Variants in FKBP1B observed in about 807,000 individuals in gnomAD.
FKBP1B encodes the protein peptidyl-prolyl cis-trans isomerase FKBP1B.
A neutral mutation model predicts 13.5 loss-of-function variants in FKBP1B; 4 were observed. That is an observed-to-expected ratio of 0.30 (90% confidence interval 0.15 to 0.68). The LOEUF is 0.68. Among genes scored for constraint, FKBP1B ranks in the 30% least tolerant of loss-of-function variants. The pLI is 0.76. For missense variants in FKBP1B, 93 were observed against 136.2 expected (o/e 0.68, Z 1.58); for synonymous variants, 54 against 53.6 (o/e 1.01, Z -0.03).
intron 2 of FKBP1B, among the ~76,000 whole-genome samples, chr2:24,056,544 A>T (rs1250042910): frequency 6.6e-6 from 1 of 152,082 alleles, no homozygotes; most frequent in Non-Finnish European, 1.5e-5. Flanking sequence ...GGATTTCACC[A>T]TGTTGGCCAG....
the FKBP1B span, among the ~76,000 whole-genome samples, chr2:24,042,510 T>C: frequency 7.9e-6 from 1 of 126,664 alleles, no homozygotes; most frequent in African/African-American, 3.2e-5. Context: ...CACTCCAGCC[T>C]GGGTGACAGA....
chr2:24,049,076 C>A (rs1663728974), upstream of FKBP1B, among the ~76,000 whole-genome samples: 1 of 152,172 alleles, frequency 6.6e-6, no homozygotes, highest in Non-Finnish European at 1.5e-5. Flanking sequence ...GGACGCCTAG[C>A]GAGGGTAGGA....
At chr2:24,048,181 TTC>T (rs1447732220), upstream of FKBP1B, among the ~76,000 whole-genome samples, 4 of 152,136 alleles carry the variant, frequency 2.6e-5, no homozygotes, top group Admixed American at 1.3e-4. Flanking sequence ...TTCTTTTCTT[TTC>T]TTTTTTTAAA....
intron 2 of FKBP1B, among the ~76,000 whole-genome samples, chr2:24,056,017 A>C (rs896697033): frequency 6.6e-6 from 1 of 152,028 alleles, no homozygotes; most frequent in African/African-American, 2.4e-5. Flanking sequence ...TTTTTGAGAC[A>C]GAGTCTATGT....
At chr2:24,038,411 T>C in the FKBP1B span, 2 of 1,614,180 alleles carry the variant, frequency 1.2e-6, no homozygotes, top group Non-Finnish European at 1.7e-6. Flanking sequence ...AAAATTATAT[T>C]ACAAGTGTTG....
the FKBP1B span, chr2:24,038,382 T>C: frequency 3.7e-6 from 6 of 1,614,218 alleles, no homozygotes; most frequent in Admixed American, 1.7e-5. Context: ...GGACTGAAGA[T>C]GGAATGACAG....
At chr2:24,041,716 GGTGGCAGGTGCCTGTAATCCCAGCTACT>G in the FKBP1B span, among the ~76,000 whole-genome samples, 1 of 151,852 alleles carries the variant, frequency 6.6e-6, no homozygotes, top group Non-Finnish European at 1.5e-5. Context: ...AGCTGGGCTC[GGTGGCAGGTGCCTGTAATCCCAGCTACT>G]CGGGAGGCTG....
At chr2:24,053,206 G>A (rs927683012) in intron 1 of FKBP1B, among the ~76,000 whole-genome samples, 1 of 151,914 alleles carries the variant, frequency 6.6e-6, no homozygotes, top group Non-Finnish European at 1.5e-5. Flanking sequence ...TGACCTCCTG[G>A]GCTCAAACAA....
chr2:24,039,790 T>C, the FKBP1B span, among the ~76,000 whole-genome samples: 1 of 152,060 alleles, frequency 6.6e-6, no homozygotes, highest in Non-Finnish European at 1.5e-5. Context: ...ATTGTAGAGT[T>C]ATTATTTTTC....
Position 24,063,300 on chromosome 2 carries a change from C to T in FKBP1B, c.*108C>T. On this transcript the variant is annotated 3_prime_UTR_variant, in exon 4 of 4. Coordinates refer to ENST00000380986, the MANE Select transcript of FKBP1B (RefSeq NM_004116.5). ...TTGGGGCTCTTGATCAGTGTGCTAA[C>T]CTCACTGCCTCATGGCATCATCCAT... is the stretch of plus-strand genomic sequence containing the variant. 9.8e-7 allele frequency: 1 copy of T among 1,022,058 alleles called. No individual in the cohort carries two copies. Among genetic ancestry groups the T allele is most frequent in the Non-Finnish European group, 1.4e-6 (1 of 727,456 alleles). The allele number at this position is 1,022,058 out of a possible 1,614,324, so 63.3% of individuals were successfully genotyped here.
chr2:24,049,588 C>T (rs1213932492), upstream of FKBP1B: 2 of 352,720 alleles, frequency 5.7e-6, no homozygotes, highest in East Asian at 4.1e-5. Flanking sequence ...TGTCGTCAGG[C>T]GGGGCCAGGC....
chr2:24,042,531 G>A, the FKBP1B span, among the ~76,000 whole-genome samples: 3 of 103,460 alleles, frequency 2.9e-5, no homozygotes, highest in East Asian at 2.6e-4. Context: ...GCAATACTCC[G>A]TCTCAAAAAA....
In FKBP1B at chr2:24,050,756, A is replaced by G. The variant is rs930639640; in HGVS notation, c.37+870A>G. Among the ~76,000 whole-genome samples, 9 of 152,192 alleles carry G rather than the reference A, an allele frequency of 5.9e-5. No homozygotes were observed. The highest frequency in any genetic ancestry group is 3.9e-4 in the Admixed American group (6 of 15,274). Reference sequence around the variant, plus strand: ...CTGCAGGGTTTGATGGGCAAACTTCATATCAGATATTATTAATATGAACAG... The same window carrying G: ...CTGCAGGGTTTGATGGGCAAACTTCGTATCAGATATTATTAATATGAACAG... On this transcript the variant is annotated intron_variant, in intron 1 of 3. Coordinates refer to ENST00000380986, the MANE Select transcript of FKBP1B (RefSeq NM_004116.5). The surrounding 1 kb of genome is among the most constrained non-coding windows in gnomAD (Gnocchi z 5.8).
At chr2:24,059,246 G>C (rs1664270384) in intron 2 of FKBP1B, among the ~76,000 whole-genome samples, 1 of 150,798 alleles carries the variant, frequency 6.6e-6, no homozygotes, top group Non-Finnish European at 1.5e-5. Context: ...CTTTGAGTCA[G>C]AGTCACAGAA....
At chr2:24,057,663 G>A (rs930247995) in intron 2 of FKBP1B, among the ~76,000 whole-genome samples, 4 of 151,878 alleles carry the variant, frequency 2.6e-5, no homozygotes, top group Admixed American at 1.3e-4. Context: ...GTGAGCCACC[G>A]GGCCCGGCCA....
In FKBP1B at chr2:24,060,762, G is replaced by A. The variant is rs940386992; in HGVS notation, c.86-52G>A. 6.9e-5 allele frequency: 90 copies of A among 1,303,622 alleles called. No homozygotes were observed. In the African/African-American group the frequency reaches 1.1e-3, roughly 16 times the overall value. 80.8% of individuals were successfully genotyped at this position (1,303,622 alleles called of 1,614,324 possible). ...ATTTTAGACATGTGGAATCTGAATT[G>A]GGAGTTTACTCATGACCACAGCTCT... On this transcript the variant is annotated intron_variant, in intron 2 of 3. Transcript: ENST00000380986.
upstream of FKBP1B, among the ~76,000 whole-genome samples, chr2:24,047,527 C>T (rs985761091): frequency 6.6e-6 from 1 of 152,140 alleles, no homozygotes; most frequent in Admixed American, 6.5e-5. Flanking sequence ...TGAATATGCA[C>T]ATTAGCAGAG....
At chr2:24,039,234 C>T in the FKBP1B span, 1 of 1,614,262 alleles carries the variant, frequency 6.2e-7, no homozygotes, top group Non-Finnish European at 8.5e-7. Flanking sequence ...ACAGCTGCCA[C>T]ACAGTGACAT....
the FKBP1B span, chr2:24,039,584 G>GCCGTTGTCTT: frequency 5.0e-6 from 7 of 1,399,436 alleles, no homozygotes; most frequent in African/African-American, 1.4e-5. Context: ...CATTTGGTAA[G>GCCGTTGTCTT]ACAACGGCTT....
Sources: gnomAD v4.1 joint callset for allele counts (sites outside exome capture counted in the v4.1 genomes callset) on GRCh38, gnomAD v4.1.1 for gene constraint, Gnocchi (gnomAD v3.1) non-coding constraint, MANE v1.5 for transcripts, NCBI Gene and HGNC (gene_info 2026-07-23, HGNC 2026-07-21) for gene names.